The following SOX5 variants were observed in gnomAD, a reference collection of about 807,000 sequenced individuals.
SOX5 encodes the protein transcription factor SOX-5.
SOX5 carries 9 observed loss-of-function variants against 92.0 expected under a neutral mutation model. The observed-to-expected ratio is 0.10, with a 90% CI of 0.06 to 0.17. SOX5 has a LOEUF of 0.17. Among genes scored for constraint, SOX5 ranks in the 10% least tolerant of loss-of-function variants. The probability of loss-of-function intolerance (pLI) is 1.00; values close to 1 mark genes in which losing one functional copy is unlikely to be tolerated. For missense variants in SOX5, 642 were observed against 944.5 expected (o/e 0.68, Z 4.20); for synonymous variants, 344 against 336.3 (o/e 1.02, Z -0.25).
chr12:23,968,196 A>G (rs1245415406), intron 4 of SOX5, among the ~76,000 whole-genome samples: 1 of 152,224 alleles, frequency 6.6e-6, no homozygotes, highest in Non-Finnish European at 1.5e-5. Flanking sequence ...TGTTGTTATC[A>G]CACAACCACC....
At chr12:24,423,724 G>A (rs1421297786) in intron 1 of SOX5, among the ~76,000 whole-genome samples, 2 of 152,214 alleles carry the variant, frequency 1.3e-5, no homozygotes, top group South Asian at 4.1e-4. Flanking sequence ...TTCATCTGAT[G>A]GGTGCCACAG....
At chr12:23,934,191 A>C (rs1309139032) in intron 1 of SOX5, among the ~76,000 whole-genome samples, 1 of 151,386 alleles carries the variant, frequency 6.6e-6, no homozygotes, top group African/African-American at 2.4e-5. Context: ...AGGGCTCCCA[A>C]AACAATTGTG....
At chr12:23,839,959 T>C (rs921839168) in intron 3 of SOX5, among the ~76,000 whole-genome samples, 1 of 147,406 alleles carries the variant, frequency 6.8e-6, no homozygotes, top group Non-Finnish European at 1.5e-5. Context: ...TACTCAGCAT[T>C]GTACTGAAAC....
chr12:24,421,698 T>A (rs1407404026), intron 1 of SOX5, among the ~76,000 whole-genome samples: 2 of 152,220 alleles, frequency 1.3e-5, no homozygotes, highest in Admixed American at 1.3e-4. Flanking sequence ...TCAAATATGA[T>A]ACAAACGTTT....
chr12:24,066,867 G>T, intron 4 of SOX5, among the ~76,000 whole-genome samples: 1 of 152,214 alleles, frequency 6.6e-6, no homozygotes, highest in Non-Finnish European at 1.5e-5. Context: ...GGTGGTCAGA[G>T]ATTTTATTTC....
chr12:23,979,707 G>GTTTTTTTTTTTT (rs1177945407), intron 4 of SOX5, among the ~76,000 whole-genome samples: 5 of 77,500 alleles, frequency 6.5e-5, no homozygotes, highest in East Asian at 4.3e-4. Context: ...TGTTTTTTTT[G>GTTTTTTTTTTTT]TTTTTTTTTT....
At chr12:24,145,617 C>G (rs565621367) in intron 4 of SOX5, among the ~76,000 whole-genome samples, 1 of 152,142 alleles carries the variant, frequency 6.6e-6, no homozygotes, top group Admixed American at 6.5e-5. Context: ...CTGCCTGATC[C>G]TCCCAAGTAG....
intron 1 of SOX5, among the ~76,000 whole-genome samples, chr12:24,534,021 T>C (rs1429978575): frequency 2.0e-5 from 3 of 152,204 alleles, no homozygotes; most frequent in Non-Finnish European, 4.4e-5. Flanking sequence ...TGTCCATTCC[T>C]ACCCACCAAT....
chr12:23,600,720 C>A (rs1402432826), intron 9 of SOX5, among the ~76,000 whole-genome samples: 3 of 151,474 alleles, frequency 2.0e-5, no homozygotes, highest in Admixed American at 2.0e-4. Context: ...TTTGAACAGA[C>A]CAGATTTCTT....
chr12:24,207,924 T>C (rs990707179), intron 4 of SOX5, among the ~76,000 whole-genome samples: 2 of 152,204 alleles, frequency 1.3e-5, no homozygotes, highest in African/African-American at 2.4e-5. Context: ...GTAACTCAAA[T>C]ATAAAGACTC....
chr12:24,296,450 G>A (rs1408923618), intron 2 of SOX5, among the ~76,000 whole-genome samples: 4 of 152,174 alleles, frequency 2.6e-5, no homozygotes, highest in Admixed American at 6.5e-5. Flanking sequence ...TGAGAACTCC[G>A]AATAGATCTA....
intron 4 of SOX5, among the ~76,000 whole-genome samples, chr12:24,121,053 C>G (rs1948561499): frequency 6.6e-6 from 1 of 152,202 alleles, no homozygotes; most frequent in South Asian, 2.1e-4. Flanking sequence ...TTTGGGATCA[C>G]TGAGTTCTTA....
intron 4 of SOX5, among the ~76,000 whole-genome samples, chr12:24,036,755 T>A (rs1160326310): frequency 6.6e-6 from 1 of 152,084 alleles, no homozygotes; most frequent in East Asian, 1.9e-4. Flanking sequence ...CTCTCAATAT[T>A]TCAGGAAGGC....
intron 1 of SOX5, among the ~76,000 whole-genome samples, chr12:23,901,918 TAG>T (rs2097237727): frequency 6.6e-6 from 1 of 152,146 alleles, no homozygotes; most frequent in Non-Finnish European, 1.5e-5. Context: ...AATAAGAAAA[TAG>T]AGTTCAATAA....
chr12:23,817,451 A>T (rs1408916838), intron 3 of SOX5, among the ~76,000 whole-genome samples: 2 of 152,194 alleles, frequency 1.3e-5, no homozygotes, highest in Non-Finnish European at 2.9e-5. Flanking sequence ...TACAGTTGTA[A>T]ACTTTTCTCT....
intron 7 of SOX5, among the ~76,000 whole-genome samples, chr12:23,643,700 G>A (rs905914756): frequency 2.0e-5 from 3 of 152,176 alleles, no homozygotes; most frequent in African/African-American, 7.2e-5. Flanking sequence ...TCCAGACAGT[G>A]ATAATTTTTT....
intron 4 of SOX5, among the ~76,000 whole-genome samples, chr12:24,040,258 C>A (rs1956394354): frequency 6.6e-6 from 1 of 152,142 alleles, no homozygotes; most frequent in Admixed American, 6.6e-5. Context: ...ATGGTTCTAA[C>A]TTTGTCACTG....
At chr12:23,661,894 A>G (rs2083097217) in intron 7 of SOX5, among the ~76,000 whole-genome samples, 1 of 152,180 alleles carries the variant, frequency 6.6e-6, no homozygotes, top group East Asian at 1.9e-4. Flanking sequence ...AAAATGAGCT[A>G]TTATCCACAA....
chr12:24,357,884 T>C (rs922986388), intron 2 of SOX5, among the ~76,000 whole-genome samples: 2 of 151,334 alleles, frequency 1.3e-5, no homozygotes, highest in African/African-American at 4.8e-5. Context: ...CCTATTGAAA[T>C]TGTATGCCTC....
Sources: gnomAD v4.1 joint callset for allele counts (sites outside exome capture counted in the v4.1 genomes callset) on GRCh38, gnomAD v4.1.1 for gene constraint, MANE v1.5 for transcripts, NCBI Gene and HGNC (gene_info 2026-07-23, HGNC 2026-07-21) for gene names.